PRKAR2A: variants seen among roughly 807,000 people sequenced by gnomAD.
PRKAR2A encodes protein kinase cAMP-dependent type II regulatory subunit alpha.
PRKAR2A carries 29 observed loss-of-function variants against 51.9 expected under a neutral mutation model. The observed-to-expected ratio is 0.56, with a 90% CI of 0.42 to 0.76. The LOEUF (loss-of-function observed/expected upper bound fraction) is 0.76, where lower values mean the gene tolerates loss of function less well. Ranked by LOEUF, PRKAR2A falls within the 30% of genes least tolerant of loss-of-function variation. PRKAR2A has a pLI of 0.00. For missense variants in PRKAR2A, 445 were observed against 512.1 expected (o/e 0.87, Z 1.26); for synonymous variants, 178 against 186.2 (o/e 0.96, Z 0.36).
chr3:48,789,872 T>TTCTTCCTTTTCTTTCTC (rs2082356819), intron 4 of PRKAR2A, among the ~76,000 whole-genome samples: 1 of 151,794 alleles, frequency 6.6e-6, no homozygotes, highest in African/African-American at 2.4e-5. Context: ...CTTCCTTCCT[T>TTCTTCCTTTTCTTTCTC]TCTTCCTTTT....
At chr3:48,762,902 A>G (rs997379018) in intron 8 of PRKAR2A, among the ~76,000 whole-genome samples, 1 of 152,236 alleles carries the variant, frequency 6.6e-6, no homozygotes, top group Non-Finnish European at 1.5e-5. Context: ...TATACATTAC[A>G]TGATTTCATT....
intron 1 of PRKAR2A, among the ~76,000 whole-genome samples, chr3:48,816,266 C>T (rs1226142016): frequency 6.6e-6 from 1 of 152,128 alleles, no homozygotes; most frequent in African/African-American, 2.4e-5. Flanking sequence ...ACCCTAGGCA[C>T]ATTGAAACTG....
chr3:48,799,152 CAA>C (rs1204929122), intron 2 of PRKAR2A, among the ~76,000 whole-genome samples: 1 of 152,182 alleles, frequency 6.6e-6, no homozygotes, highest in Non-Finnish European at 1.5e-5. Flanking sequence ...CCACAGTACA[CAA>C]GTTACCTGGA....
intron 1 of PRKAR2A, among the ~76,000 whole-genome samples, chr3:48,824,225 G>C (rs1463595568): frequency 6.6e-6 from 1 of 151,906 alleles, no homozygotes; most frequent in Non-Finnish European, 1.5e-5. Context: ...TGGACGACAA[G>C]AGCAAAACTC....
At position 48,761,205 on chromosome 3, in the gene PRKAR2A, C is replaced by T. The variant is rs556363162; in HGVS notation, c.873+3799G>A. Among the ~76,000 whole-genome samples, 69 of 151,798 alleles carry T rather than the reference C, an allele frequency of 4.5e-4. 1 individual carries two copies. Among genetic ancestry groups the T allele is most frequent in the Middle Eastern group, 6.8e-3 (2 of 294 alleles). The stretch of plus-strand genomic sequence containing the variant: ...GCTGAGGCAGGAGAATGGCGTGAAC[C>T]CAGGAGGCGGAGCTTGCAGTGAGCC... On this transcript the variant is annotated intron_variant, in intron 8 of 10. Transcript: ENST00000265563.
chr3:48,772,976 T>C lies in PRKAR2A; in HGVS notation c.675A>G (p.Ser225=), dbSNP rs200687560. ...TPRAATIVAT[S]EGSLWGLDRV... ...TCACCAGTCCCCAAAGGGAGCCTTCTGAGGTAGCAACAATGGTAGCAGCTC... is the reference window on the plus strand; with the variant it reads ...TCACCAGTCCCCAAAGGGAGCCTTCCGAGGTAGCAACAATGGTAGCAGCTC... The change falls in exon 6 of 11, where the codon TCA becomes TCG. Residue 225 remains serine, a synonymous_variant. Transcript: ENST00000265563. The C allele has an allele frequency of 1.2e-6, 2 of 1,613,316 alleles. No individual in the cohort carries two copies. Among genetic ancestry groups the C allele is most frequent in the East Asian group, 2.2e-5 (1 of 44,866 alleles).
chr3:48,773,145 T>C, intron 5 of PRKAR2A, 37 bp from the exon 6 acceptor site: 1 of 1,536,550 alleles, frequency 6.5e-7, no homozygotes, highest in South Asian at 1.2e-5. Flanking sequence ...ATTAGTTACT[T>C]CTGATAATAA....
chr3:48,787,929 A>C (rs1416881232), intron 4 of PRKAR2A, among the ~76,000 whole-genome samples: 1 of 152,198 alleles, frequency 6.6e-6, no homozygotes, highest in Non-Finnish European at 1.5e-5. Context: ...AACAGAGGAA[A>C]TCTAATTCCA....
At chr3:48,838,295 G>T (rs2083317712) in intron 1 of PRKAR2A, among the ~76,000 whole-genome samples, 4 of 152,144 alleles carry the variant, frequency 2.6e-5, no homozygotes, top group South Asian at 4.1e-4. Flanking sequence ...GAATGAGGGT[G>T]TTGGTGAGGT....
chr3:48,807,472 C>T (rs942266669), intron 2 of PRKAR2A, among the ~76,000 whole-genome samples, 177 bp downstream of exon 2: 1 of 152,008 alleles, frequency 6.6e-6, no homozygotes, highest in Admixed American at 6.6e-5. Context: ...GTATAAAATA[C>T]GTACATACAT....
At chr3:48,765,399 T>G in intron 6 of PRKAR2A, 50 bp from the exon 7 acceptor site, 1 of 1,303,330 alleles carries the variant, frequency 7.7e-7, no homozygotes, top group African/African-American at 1.5e-5. Flanking sequence ...TACAGGAACA[T>G]CTATGGTTTA....
At chr3:48,804,739 G>A (rs959910296) in intron 2 of PRKAR2A, among the ~76,000 whole-genome samples, 1 of 152,086 alleles carries the variant, frequency 6.6e-6, no homozygotes, top group Non-Finnish European at 1.5e-5. Flanking sequence ...AGTGGCTGAA[G>A]TAGGGTGGAC....
rs754615800 is a variant in PRKAR2A at position 48,751,598 on chromosome 3, T to C, written c.1202A>G (p.Asn401Ser). 1 of 1,612,306 alleles carries C rather than the reference T, an allele frequency of 6.2e-7. No homozygotes were observed. Among genetic ancestry groups the C allele is most frequent in the African/African-American group, 1.3e-5 (1 of 74,908 alleles). The change falls in exon 11 of 11, where the codon AAC becomes AGC. Residue 401 changes from asparagine to serine, a missense_variant. By Grantham distance (46) the Asn-to-Ser change is conservative. Coordinates refer to ENST00000265563, the MANE Select transcript of PRKAR2A (RefSeq NM_004157.4). ...KMFGSSVDLG[N>S]LGQ The stretch of plus-strand genomic sequence containing the variant: ...GGTGTGGCACACCTACTGCCCGAGG[T>C]TGCCCAGATCCACGCTGGAGCCAAA...
In PRKAR2A at chr3:48,782,948, T is replaced by G. The variant is rs111499766; in HGVS notation, c.542+38A>C. 183 of 1,388,136 alleles carry G rather than the reference T, an allele frequency of 1.3e-4. No homozygotes were observed. The African/African-American group carries it at 2.1e-3, about 16-fold the overall frequency. 86.0% of individuals were successfully genotyped at this position (1,388,136 alleles called of 1,614,324 possible). A position where few individuals can be genotyped will look rare whatever the true frequency, so the allele number is the denominator to read the frequency against. On this transcript the variant is annotated intron_variant, in intron 5 of 10. Coordinates refer to ENST00000265563, the MANE Select transcript of PRKAR2A (RefSeq NM_004157.4). Reference sequence around the variant, plus strand: ...ATCTGCCCTGAGTCATGAATCCGATTAAGTGTGGCCACACAATTTCAAAGC... The same window carrying G: ...ATCTGCCCTGAGTCATGAATCCGATGAAGTGTGGCCACACAATTTCAAAGC...
intron 8 of PRKAR2A, among the ~76,000 whole-genome samples, chr3:48,762,496 A>G (rs1055578489): frequency 8.5e-5 from 13 of 152,330 alleles, no homozygotes; most frequent in South Asian, 6.2e-4. Flanking sequence ...TTAGCTGGGC[A>G]GAGTGACACG....
rs1165096052 is a variant in PRKAR2A, at chr3:48,747,189, T to C, written c.*4396A>G. ...TCAAGACAGGAGGAACAAGAGGTCA[T>C]TGTAGTGAAAAACCAAAACAACTTG... On this transcript the variant is annotated 3_prime_UTR_variant, in exon 11 of 11. Coordinates refer to ENST00000265563, the MANE Select transcript of PRKAR2A (RefSeq NM_004157.4). The C allele has an allele frequency of 6.6e-6, 1 of 152,104 alleles. No homozygotes were observed. The highest frequency in any genetic ancestry group is 1.5e-5 in the Non-Finnish European group (1 of 68,030). The allele number at this position is 152,104 out of a possible 1,614,324, so 9.4% of individuals were successfully genotyped here. A position where few individuals can be genotyped will look rare whatever the true frequency, so the allele number is the denominator to read the frequency against.
intron 2 of PRKAR2A, among the ~76,000 whole-genome samples, chr3:48,794,759 G>C (rs963134508): frequency 1.3e-5 from 2 of 152,118 alleles, no homozygotes; most frequent in Non-Finnish European, 2.9e-5. Flanking sequence ...GTGAAGAAGA[G>C]TATATATGGC....
chr3:48,754,561 T>G (rs1013838342), intron 9 of PRKAR2A, among the ~76,000 whole-genome samples: 2 of 151,862 alleles, frequency 1.3e-5, no homozygotes, highest in African/African-American at 4.8e-5. Context: ...TCACCTGAGG[T>G]CAGGAGTTCC....
chr3:48,752,129 A>T, intron 10 of PRKAR2A, 47 bp downstream of exon 10: 1 of 1,589,564 alleles, frequency 6.3e-7, no homozygotes, highest in Non-Finnish European at 8.6e-7. Flanking sequence ...GGAAAAAAAT[A>T]TTACATGTTA....
Sources: allele counts gnomAD v4.1 joint callset (sites outside exome capture counted in the v4.1 genomes callset), GRCh38; gene constraint gnomAD v4.1.1; transcripts MANE v1.5; gene names NCBI Gene and HGNC (gene_info 2026-07-23, HGNC 2026-07-21).